Variants in UMAD1 observed in about 807,000 individuals in gnomAD.
The protein encoded by UMAD1 is UBAP1-MVB12-associated (UMA)-domain containing protein 1.
In UMAD1, 8 loss-of-function variants were observed where a neutral mutation model predicts 6.1. The observed-to-expected ratio is 1.30, with a 90% CI of 0.76 to 2.35. UMAD1 has a LOEUF of 2.35. Ranked by LOEUF, UMAD1 falls within the 30% of genes most tolerant of loss-of-function variation. UMAD1 has a pLI of 0.00. For missense variants in UMAD1, 130 were observed against 78.4 expected (o/e 1.66, Z -2.49); for synonymous variants, 56 against 31.4 (o/e 1.78, Z -2.61).
At chr7:7,658,456 A>G (rs575771330) in intron 1 of UMAD1, among the ~76,000 whole-genome samples, 3 of 152,328 alleles carry the variant, frequency 2.0e-5, no homozygotes, top group African/African-American at 7.2e-5. Flanking sequence ...TTTGTCATAA[A>G]TAGCTCTTAT....
chr7:7,803,259 T>C (rs542897364), intron 3 of UMAD1, among the ~76,000 whole-genome samples: 10 of 152,326 alleles, frequency 6.6e-5, no homozygotes, highest in African/African-American at 2.4e-4. Flanking sequence ...GAGGATTGCT[T>C]GAGGCTAGGA....
intron 2 of UMAD1, among the ~76,000 whole-genome samples, chr7:7,765,901 G>GT (rs1008372585): frequency 5.3e-5 from 8 of 151,980 alleles, no homozygotes; most frequent in Admixed American, 3.3e-4. Context: ...TAGTATCTGA[G>GT]TTTTTTTTGA....
intron 1 of UMAD1, among the ~76,000 whole-genome samples, chr7:7,650,403 G>T (rs543501002): frequency 6.6e-6 from 1 of 152,224 alleles, no homozygotes; most frequent in East Asian, 1.9e-4. Flanking sequence ...ATTCTAAGTG[G>T]ATGGTTAATT....
intron 2 of UMAD1, chr7:7,689,498 T>A (rs988309785): frequency 6.6e-6 from 1 of 152,162 alleles, no homozygotes; most frequent in African/African-American, 2.4e-5. Flanking sequence ...TTTAAGCCAC[T>A]TTTAGCTAGG....
intron 2 of UMAD1, among the ~76,000 whole-genome samples, chr7:7,738,214 T>TTTGTAAATATTGGA: frequency 6.6e-6 from 1 of 152,362 alleles, no homozygotes; most frequent in South Asian, 2.1e-4. Context: ...TGGAAGAATT[T>TTTGTAAATATTGGA]AGTATATTTT....
intron 3 of UMAD1, among the ~76,000 whole-genome samples, chr7:7,821,612 C>T (rs1783242593): frequency 6.6e-6 from 1 of 152,144 alleles, no homozygotes; most frequent in South Asian, 2.1e-4. Flanking sequence ...ATCTGAGAAG[C>T]CCAATTATTC....
intron 1 of UMAD1, among the ~76,000 whole-genome samples, chr7:7,659,042 A>G (rs1159641151): frequency 6.6e-6 from 1 of 152,142 alleles, no homozygotes; most frequent in Non-Finnish European, 1.5e-5. Context: ...GGGAAGGTGT[A>G]TGTGTCCAGG....
intron 3 of UMAD1, among the ~76,000 whole-genome samples, chr7:7,875,847 C>T (rs1410629812): frequency 1.3e-5 from 2 of 152,132 alleles, no homozygotes; most frequent in African/African-American, 2.4e-5. Flanking sequence ...TTTTGGGAGG[C>T]AGGCAGATCG....
chr7:7,648,331 T>G (rs1785144946), intron 1 of UMAD1, among the ~76,000 whole-genome samples: 1 of 152,384 alleles, frequency 6.6e-6, no homozygotes, highest in Non-Finnish European at 1.5e-5. Context: ...GACTTTATAC[T>G]GTGTGGCCCT....
chr7:7,701,367 G>T (rs946135526), intron 2 of UMAD1, among the ~76,000 whole-genome samples: 1 of 151,876 alleles, frequency 6.6e-6, no homozygotes, highest in Non-Finnish European at 1.5e-5. Context: ...TTTGCTAGAA[G>T]AAAACAAAGC....
intron 1 of UMAD1, among the ~76,000 whole-genome samples, chr7:7,651,724 G>T (rs1378365809): frequency 6.6e-6 from 1 of 152,128 alleles, no homozygotes; most frequent in Non-Finnish European, 1.5e-5. Context: ...ATTCCCAAAG[G>T]CTAACAGGCA....
At chr7:7,642,741 G>A (rs563064681) in intron 1 of UMAD1, among the ~76,000 whole-genome samples, 2 of 152,238 alleles carry the variant, frequency 1.3e-5, no homozygotes, top group South Asian at 4.1e-4. Flanking sequence ...CTGAAGAAAT[G>A]GAACTTTACC....
intron 2 of UMAD1, among the ~76,000 whole-genome samples, chr7:7,800,755 T>C (rs923268544): frequency 1.3e-5 from 2 of 152,238 alleles, no homozygotes; most frequent in African/African-American, 4.8e-5. Flanking sequence ...AAGATTTTCA[T>C]ACTTTATCTC....
intron 2 of UMAD1, among the ~76,000 whole-genome samples, chr7:7,706,729 G>A (rs1486381351): frequency 2.0e-5 from 3 of 152,174 alleles, no homozygotes; most frequent in South Asian, 2.1e-4. Context: ...ACTAACTTGC[G>A]TAAGAGTGCG....
At chr7:7,756,419 G>GAC in intron 2 of UMAD1, among the ~76,000 whole-genome samples, 1 of 152,282 alleles carries the variant, frequency 6.6e-6, no homozygotes. Flanking sequence ...GGCATCTGTT[G>GAC]ACACATATAA....
rs1207171016 is a variant in UMAD1, at chr7:7,844,292, AT to A, written c.157-32979del. Reference sequence around the variant, plus strand: ...GGCACAAATTCTGACACAGTCCAGAATTTTTTTTTTCTTTTTGCTTTCAACA... The same window carrying A: ...GGCACAAATTCTGACACAGTCCAGAATTTTTTTTTCTTTTTGCTTTCAACA... On this transcript the variant is annotated intron_variant, in intron 3 of 3. Transcript: ENST00000682710. Among the ~76,000 whole-genome samples, 6 of 150,866 alleles carry A rather than the reference AT, an allele frequency of 4.0e-5. No individual in the cohort carries two copies. The East Asian group carries it at 5.8e-4, about 15-fold the overall frequency.
At chr7:7,834,748 G>A (rs1014500919) in intron 3 of UMAD1, among the ~76,000 whole-genome samples, 1 of 152,002 alleles carries the variant, frequency 6.6e-6, no homozygotes, top group Non-Finnish European at 1.5e-5. Context: ...CCATCACATC[G>A]GCAGTTAGGG....
Position 7,801,744 on chromosome 7 carries a change from G to A in UMAD1, c.156+1G>A, listed in dbSNP as rs1387810876. 2.8e-6 allele frequency: 2 copies of A among 717,910 alleles called. No homozygotes were observed. The highest frequency in any genetic ancestry group is 5.4e-5 in the East Asian group (2 of 37,278). 44.5% of individuals were successfully genotyped at this position (717,910 alleles called of 1,614,324 possible). A position where few individuals can be genotyped will look rare whatever the true frequency, so the allele number is the denominator to read the frequency against. On this transcript the variant is annotated splice_donor_variant, in intron 3 of 3. Transcript: ENST00000682710. LOFTEE classifies it high-confidence loss of function. Reference sequence around the variant, plus strand: ...CATAGAGGCCAACCAACCTTTGGAGGTAAGTGAAACAGAGTAAGTCCTTTT... The same window carrying A: ...CATAGAGGCCAACCAACCTTTGGAGATAAGTGAAACAGAGTAAGTCCTTTT...
chr7:7,651,168 A>G (rs1785215281), intron 1 of UMAD1, among the ~76,000 whole-genome samples: 1 of 152,250 alleles, frequency 6.6e-6, no homozygotes, highest in Non-Finnish European at 1.5e-5. Flanking sequence ...ATTTTTAAAA[A>G]TATATGGCTA....
Sources: allele counts gnomAD v4.1 joint callset (sites outside exome capture counted in the v4.1 genomes callset), GRCh38; gene constraint gnomAD v4.1.1; transcripts MANE v1.5; gene names NCBI Gene and HGNC (gene_info 2026-07-23, HGNC 2026-07-21).